The following ELOVL4 variants were observed in gnomAD, a reference collection of about 807,000 sequenced individuals.
The protein encoded by ELOVL4 is very long chain fatty acid elongase 4.
In ELOVL4, 18 loss-of-function variants were observed where a neutral mutation model predicts 42.1. The ratio of observed to expected loss-of-function variants is 0.43; its 90% CI spans 0.30 to 0.63. The LOEUF is 0.63. Among genes scored for constraint, ELOVL4 ranks in the 30% least tolerant of loss-of-function variants. The pLI is 0.15. For missense variants in ELOVL4, 299 were observed against 376.2 expected, an observed-to-expected ratio of 0.79 and a Z score of 1.70; for synonymous variants, 117 against 127.0, an observed-to-expected ratio of 0.92 and a Z score of 0.53.
intron 1 of ELOVL4, among the ~76,000 whole-genome samples, chr6:79,926,878 A>C (rs1330181879): frequency 6.6e-6 from 1 of 152,198 alleles, no homozygotes; most frequent in African/African-American, 2.4e-5. Context: ...CGAGACACTG[A>C]AGACAAGAGT....
chr6:79,925,035 G>T lies in ELOVL4; in HGVS notation c.289-3C>A. On this transcript the variant is annotated splice_region_variant and splice_polypyrimidine_tract_variant and intron_variant, in intron 2 of 5. Transcript: ENST00000369816. ...GCATTATATGATCCCATGAATAACTGGAAAAAGAGTAATAATATTTGTAGT... is the reference window on the plus strand; with the variant it reads ...GCATTATATGATCCCATGAATAACTTGAAAAAGAGTAATAATATTTGTAGT... The T allele has an allele frequency of 6.3e-7, 1 of 1,575,844 alleles. No individual in the cohort carries two copies. The highest frequency in any genetic ancestry group is 8.7e-7 in the Non-Finnish European group (1 of 1,146,198).
intron 1 of ELOVL4, among the ~76,000 whole-genome samples, chr6:79,930,682 A>T (rs1213781231): frequency 6.6e-6 from 1 of 152,204 alleles, no homozygotes; most frequent in African/African-American, 2.4e-5. Flanking sequence ...GGGGGGCTAA[A>T]ACAGTAAAGG....
chr6:79,936,176 G>C (rs1300411521), intron 1 of ELOVL4, among the ~76,000 whole-genome samples: 2 of 152,090 alleles, frequency 1.3e-5, no homozygotes, highest in East Asian at 3.9e-4. Flanking sequence ...CATAAAAAAA[G>C]AAGAACACAA....
At position 79,915,286 on chromosome 6, in the gene ELOVL4, A is replaced by G. The variant is rs1218041963; in HGVS notation, c.*1322T>C. ...ATTTCCAGTTGTTCACTTATATTAC[A>G]TGAAATACTTCATTTGTAAATAGCA... On this transcript the variant is annotated 3_prime_UTR_variant, in exon 6 of 6. Coordinates refer to ENST00000369816, the MANE Select transcript of ELOVL4 (RefSeq NM_022726.4). 1 of 152,594 alleles carries G rather than the reference A, an allele frequency of 6.6e-6. No homozygotes were observed. The highest frequency in any genetic ancestry group is 1.5e-5 in the Non-Finnish European group (1 of 67,994). The allele number at this position is 152,594 out of a possible 1,614,324, so 9.5% of individuals were successfully genotyped here. A position where few individuals can be genotyped will look rare whatever the true frequency, so the allele number is the denominator to read the frequency against.
At chr6:79,921,962 G>T (rs1343282712) in intron 3 of ELOVL4, among the ~76,000 whole-genome samples, 166 bp from the exon 4 acceptor site, 3 of 135,128 alleles carry the variant, frequency 2.2e-5, no homozygotes, top group Non-Finnish European at 4.4e-5. Context: ...ATCTCTCCAT[G>T]GGGAAAAATA....
At chr6:79,936,565 T>C (rs2127701390) in intron 1 of ELOVL4, among the ~76,000 whole-genome samples, 1 of 152,328 alleles carries the variant, frequency 6.6e-6, no homozygotes, top group Non-Finnish European at 1.5e-5. Flanking sequence ...CAATGTCAGG[T>C]ATGTAAGAGT....
chr6:79,919,684 G>A lies in ELOVL4; in HGVS notation c.542-137C>T, dbSNP rs933213667. Reference sequence around the variant, plus strand: ...ACAGATTAGAAATGAAAAATATAAAGTAGTACTAATGAAAAAGTTTTCCCT... The same window carrying A: ...ACAGATTAGAAATGAAAAATATAAAATAGTACTAATGAAAAAGTTTTCCCT... On this transcript the variant is annotated intron_variant, in intron 4 of 5. Transcript: ENST00000369816. 83 of 784,660 alleles carry A rather than the reference G, an allele frequency of 1.1e-4. No individual in the cohort carries two copies. In the African/African-American group the frequency reaches 1.4e-3, roughly 13 times the overall value. 48.6% of individuals were successfully genotyped at this position (784,660 alleles called of 1,614,324 possible). A position where few individuals can be genotyped will look rare whatever the true frequency, so the allele number is the denominator to read the frequency against.
rs1774162776 is a variant in ELOVL4, at chr6:79,916,498, T to C, written c.*110A>G. The C allele has an allele frequency of 7.1e-6, 9 of 1,261,866 alleles. No individual in the cohort carries two copies. The highest frequency in any genetic ancestry group is 2.7e-4 in the Middle Eastern group (1 of 3,762). 78.2% of individuals were successfully genotyped at this position (1,261,866 alleles called of 1,614,324 possible). On this transcript the variant is annotated 3_prime_UTR_variant, in exon 6 of 6. Coordinates refer to ENST00000369816, the MANE Select transcript of ELOVL4 (RefSeq NM_022726.4). ...AGAGTTACTAGGACATAGAGCACATTTGTCTTTTCTCCCCACCCCCAAGCT... is the reference window on the plus strand; with the variant it reads ...AGAGTTACTAGGACATAGAGCACATCTGTCTTTTCTCCCCACCCCCAAGCT...
intron 4 of ELOVL4, among the ~76,000 whole-genome samples, chr6:79,920,309 G>C (rs1028842419): frequency 9.2e-5 from 14 of 152,138 alleles, no homozygotes; most frequent in Admixed American, 4.6e-4. Flanking sequence ...GGAATAATCT[G>C]CATCAAGCTC....
At chr6:79,929,613 C>A (rs1194447095) in intron 1 of ELOVL4, among the ~76,000 whole-genome samples, 2 of 152,188 alleles carry the variant, frequency 1.3e-5, no homozygotes, top group African/African-American at 4.8e-5. Flanking sequence ...ATTCCATGGA[C>A]CATCCCCTTT....
chr6:79,934,752 G>A (rs1774515021), intron 1 of ELOVL4, among the ~76,000 whole-genome samples: 1 of 152,118 alleles, frequency 6.6e-6, no homozygotes, highest in African/African-American at 2.4e-5. Flanking sequence ...TGATAGTAGG[G>A]CTGTTGTGAG....
chr6:79,922,433 T>C (rs1490360091), intron 3 of ELOVL4, among the ~76,000 whole-genome samples: 2 of 152,194 alleles, frequency 1.3e-5, no homozygotes, highest in Admixed American at 6.5e-5. Context: ...GAATAAGTCT[T>C]TTCTTTTCCT....
intron 1 of ELOVL4, among the ~76,000 whole-genome samples, chr6:79,941,753 T>A (rs911660670): frequency 3.9e-5 from 6 of 152,214 alleles, no homozygotes; most frequent in African/African-American, 7.2e-5. Context: ...GCCTTATTCA[T>A]GTTTAGCAAC....
Position 79,917,924 on chromosome 6 carries a change from C to T in ELOVL4, c.670-1041G>A, listed in dbSNP as rs776398358. On this transcript the variant is annotated intron_variant, in intron 5 of 5. Transcript: ENST00000369816. Reference sequence around the variant, plus strand: ...TTAAGAATTTTTAAAAGGAAAAAAGCCCAAAGTGAGATGATTAAAATGAAA... The same window carrying T: ...TTAAGAATTTTTAAAAGGAAAAAAGTCCAAAGTGAGATGATTAAAATGAAA... 8.2e-4 allele frequency among the ~76,000 whole-genome samples: 124 copies of T among 152,006 alleles called. 1 individual carries two copies. The highest frequency in any genetic ancestry group is 1.1e-3 in the Non-Finnish European group (72 of 67,962).
chr6:79,930,383 C>CG (rs1239521341), intron 1 of ELOVL4, among the ~76,000 whole-genome samples: 1 of 152,202 alleles, frequency 6.6e-6, no homozygotes, highest in Non-Finnish European at 1.5e-5. Context: ...GCTACAGTAA[C>CG]TGTCAACCCC....
rs1220135951 is a variant in ELOVL4, at chr6:79,916,174, G to A, written c.*434C>T. 1 of 184,378 alleles carries A rather than the reference G, an allele frequency of 5.4e-6. No homozygotes were observed. Among genetic ancestry groups the A allele is most frequent in the African/African-American group, 2.4e-5 (1 of 41,812 alleles). 11.4% of individuals were successfully genotyped at this position (184,378 alleles called of 1,614,324 possible). On this transcript the variant is annotated 3_prime_UTR_variant, in exon 6 of 6. Transcript: ENST00000369816. ...TATACACATTTTCAGCTTTGGACAA[G>A]AAAATGTAACACCACTGATTTCAGT...
chr6:79,922,411 T>G (rs1774273922), intron 3 of ELOVL4, among the ~76,000 whole-genome samples: 1 of 152,314 alleles, frequency 6.6e-6, no homozygotes, highest in Non-Finnish European at 1.5e-5. Context: ...ATAAATATAA[T>G]CCTGCTTACA....
chr6:79,942,833 C>CA (rs1263080814), intron 1 of ELOVL4, among the ~76,000 whole-genome samples: 1 of 152,010 alleles, frequency 6.6e-6, no homozygotes, highest in East Asian at 1.9e-4. Flanking sequence ...AGTCTACCAC[C>CA]AAAAATCAAA....
At chr6:79,930,610 C>A (rs978940219) in intron 1 of ELOVL4, among the ~76,000 whole-genome samples, 2 of 152,048 alleles carry the variant, frequency 1.3e-5, no homozygotes, top group African/African-American at 4.8e-5. Flanking sequence ...TAGTGCCATA[C>A]AACGATATGA....
Sources: gnomAD v4.1 joint callset for allele counts (sites outside exome capture counted in the v4.1 genomes callset) on GRCh38, gnomAD v4.1.1 for gene constraint, MANE v1.5 for transcripts, NCBI Gene and HGNC (gene_info 2026-07-23, HGNC 2026-07-21) for gene names.